RYR3: variants seen among roughly 807,000 people sequenced by gnomAD.
RYR3 encodes the protein ryanodine receptor 3.
A neutral mutation model predicts 584.3 loss-of-function variants in RYR3; 207 were observed. That is an observed-to-expected ratio of 0.35 (90% CI 0.32 to 0.40). The LOEUF is 0.40. RYR3 is among the 10% of genes least tolerant of loss of function. The pLI is 1.00. For missense variants in RYR3, 5,616 were observed against 6,089.2 expected, an observed-to-expected ratio of 0.92 and a Z score of 2.59; for synonymous variants, 2,416 against 2,248.5, an observed-to-expected ratio of 1.07 and a Z score of -2.11.
intron 8 of RYR3, among the ~76,000 whole-genome samples, chr15:33,544,357 A>G (rs1238127024): frequency 3.0e-4 from 46 of 152,240 alleles, no homozygotes; most frequent in Non-Finnish European, 1.5e-5. Context: ...AAAAAAAATC[A>G]AACCTCAGAT....
intron 8 of RYR3, among the ~76,000 whole-genome samples, chr15:33,545,776 T>A (rs1332734686): frequency 2.0e-5 from 3 of 152,120 alleles, no homozygotes; most frequent in African/African-American, 7.2e-5. Flanking sequence ...AACAGCACAC[T>A]AAAAGACTCC....
At chr15:33,826,136 A>T in intron 82 of RYR3, 116 bp from the exon 83 acceptor site, 2 of 987,714 alleles carry the variant, frequency 2.0e-6, no homozygotes, top group Non-Finnish European at 1.6e-6. Context: ...GGTAGCTTTA[A>T]TAAAGCTATC....
In RYR3 at chr15:33,382,127, G is replaced by A. The variant is rs141463919; in HGVS notation, c.51+71031G>A. On this transcript the variant is annotated intron_variant, in intron 1 of 103. Coordinates refer to ENST00000634891, the MANE Select transcript of RYR3 (RefSeq NM_001036.6). ...GTAACCTAGAAGGATGGTGTTTTGG[G>A]GAACTGCAAGAAGCTTGGTGGGGCT... is the stretch of plus-strand genomic sequence containing the variant. Among the ~76,000 whole-genome samples the A allele has an allele frequency of 9.2e-3, 1,396 of 152,164 alleles. 21 individuals are homozygous for A. Among genetic ancestry groups the A allele is most frequent in the African/African-American group, 0.031 (1,295 of 41,502 alleles).
At chr15:33,498,013 A>ACT (rs1262467377) in intron 2 of RYR3, among the ~76,000 whole-genome samples, 4 of 151,936 alleles carry the variant, frequency 2.6e-5, no homozygotes, top group African/African-American at 9.7e-5. Context: ...TGTCCTCCAG[A>ACT]CTCACCCATG....
At chr15:33,726,239 TGTG>T in intron 45 of RYR3, 144 bp from the exon 46 acceptor site, 1 of 801,738 alleles carries the variant, frequency 1.2e-6, no homozygotes, top group Non-Finnish European at 2.0e-6. Flanking sequence ...CCTCTTTCCC[TGTG>T]GCCACAAGTG....
At chr15:33,810,777 G>C (rs930400986) in intron 71 of RYR3, 128 bp downstream of exon 71, 1 of 1,208,878 alleles carries the variant, frequency 8.3e-7, no homozygotes, top group African/African-American at 1.5e-5. Context: ...CAGTGTGTAT[G>C]GAGGCAACAC....
intron 1 of RYR3, among the ~76,000 whole-genome samples, chr15:33,384,882 T>C (rs1414869681): frequency 3.3e-5 from 5 of 152,180 alleles, no homozygotes; most frequent in Non-Finnish European, 5.9e-5. Context: ...ACTAACGATT[T>C]TCTAAGGGTT....
rs1890184823 is a variant in RYR3 at position 33,865,438 on chromosome 15, G to GAAGAAGGAAGGCGA, written c.*214_*227dup. The GAAGAAGGAAGGCGA allele has an allele frequency of 6.0e-6, 3 of 498,538 alleles. No homozygotes were observed. The highest frequency in any genetic ancestry group is 3.7e-5 in the Admixed American group (1 of 27,254). The allele number at this position is 498,538 out of a possible 1,614,324, so 30.9% of individuals were successfully genotyped here. ...GTGGGAGAGAACCTGTCAAAATGTC[G>GAAGAAGGAAGGCGA]AAGAAGGAAGGCGAAGAATCAAGTA... On this transcript the variant is annotated 3_prime_UTR_variant, in exon 104 of 104. Coordinates refer to ENST00000634891, the MANE Select transcript of RYR3 (RefSeq NM_001036.6).
chr15:33,493,072 C>G (rs1019650317), intron 2 of RYR3, among the ~76,000 whole-genome samples: 1 of 152,112 alleles, frequency 6.6e-6, no homozygotes, highest in Admixed American at 6.5e-5. Context: ...ACCAAAAGTA[C>G]AGTGAAACAA....
intron 8 of RYR3, among the ~76,000 whole-genome samples, chr15:33,544,461 T>C (rs748011134): frequency 6.6e-6 from 1 of 152,154 alleles, no homozygotes; most frequent in Non-Finnish European, 1.5e-5. Flanking sequence ...CCTTGTCAAC[T>C]GCATTTCTTT....
At chr15:33,729,177 A>G (rs1178336804) in intron 47 of RYR3, among the ~76,000 whole-genome samples, 151 bp downstream of exon 47, 1 of 152,224 alleles carries the variant, frequency 6.6e-6, no homozygotes, top group Admixed American at 6.5e-5. Context: ...ATGAAATGGA[A>G]GATCTTAATT....
At chr15:33,689,821 CACTTTATTTTTT>C (rs1596170895) in intron 38 of RYR3, among the ~76,000 whole-genome samples, 1 of 152,070 alleles carries the variant, frequency 6.6e-6, no homozygotes, top group East Asian at 1.9e-4. Context: ...CATTATTTTA[CACTTTATTTTTT>C]ATTAAATGCC....
chr15:33,371,601 T>A (rs1442933743), intron 1 of RYR3, among the ~76,000 whole-genome samples: 1 of 152,220 alleles, frequency 6.6e-6, no homozygotes, highest in Non-Finnish European at 1.5e-5. Context: ...TTTATAATCA[T>A]GTCAGGCAGT....
intron 76 of RYR3, 54 bp downstream of exon 76, chr15:33,818,738 A>C (rs2076952872): frequency 7.8e-6 from 10 of 1,276,330 alleles, no homozygotes; most frequent in African/African-American, 1.5e-5. Context: ...ACTTGTGTCC[A>C]CTCCTGACCT....
Position 33,432,668 on chromosome 15 carries a change from TTGTG to T in RYR3, c.52-40725_52-40722del, listed in dbSNP as rs58292418. On this transcript the variant is annotated intron_variant, in intron 1 of 103. Transcript: ENST00000634891. ...GGTGCCCACGACCACGCCTAGCTAA[TTGTG>T]TGTGTGTGTGTGTGTGTGTGTGTGT... Among the ~76,000 whole-genome samples the T allele has an allele frequency of 7.3e-3, 960 of 132,192 alleles. 7 individuals carry two copies. The highest frequency in any genetic ancestry group is 0.014 in the South Asian group (54 of 3,888). The allele number at this position is 132,192 out of a possible 152,430, so 86.7% of individuals were successfully genotyped here.
At chr15:33,751,680 T>A (rs1407972753) in intron 57 of RYR3, among the ~76,000 whole-genome samples, 2 of 152,186 alleles carry the variant, frequency 1.3e-5, no homozygotes, top group Non-Finnish European at 2.9e-5. Context: ...TTCTGTAGGT[T>A]GCCTGTTCAC....
intron 2 of RYR3, among the ~76,000 whole-genome samples, chr15:33,477,361 T>A (rs944306225): frequency 6.6e-5 from 10 of 151,890 alleles, no homozygotes; most frequent in African/African-American, 2.4e-4. Context: ...GATAGAAGAA[T>A]AAAGGGCATG....
intron 57 of RYR3, among the ~76,000 whole-genome samples, chr15:33,750,726 A>T (rs1194469196): frequency 6.6e-6 from 1 of 151,536 alleles, no homozygotes; most frequent in Non-Finnish European, 1.5e-5. Flanking sequence ...AGTACCCTAG[A>T]TATTTTTTTA....
At chr15:33,507,193 A>G (rs897037536) in intron 3 of RYR3, among the ~76,000 whole-genome samples, 7 of 152,238 alleles carry the variant, frequency 4.6e-5, no homozygotes, top group Non-Finnish European at 8.8e-5. Context: ...TTGAGTGTAC[A>G]GAAGTCTTTC....
Sources: gnomAD v4.1 joint callset for allele counts (sites outside exome capture counted in the v4.1 genomes callset) on GRCh38, gnomAD v4.1.1 for gene constraint, MANE v1.5 for transcripts, NCBI Gene and HGNC (gene_info 2026-07-23, HGNC 2026-07-21) for gene names.